The following CUX1 variants were observed in gnomAD, a reference collection of about 807,000 sequenced individuals.
CUX1 encodes the protein protein CASP.
A neutral mutation model predicts 158.8 loss-of-function variants in CUX1; 31 were observed. The ratio of observed to expected loss-of-function variants is 0.20; its 90% CI spans 0.15 to 0.26. CUX1 has a LOEUF of 0.26. Among genes scored for constraint, CUX1 ranks in the 10% least tolerant of loss-of-function variants. The pLI, the probability that CUX1 is intolerant of heterozygous loss-of-function variation, is 1.00. For missense variants in CUX1, 1,589 were observed against 2,014.6 expected (o/e 0.79, Z 4.04); for synonymous variants, 879 against 862.1 (o/e 1.02, Z -0.34).
intron 14 of CUX1, among the ~76,000 whole-genome samples, chr7:102,264,004 CTT>C (rs60225596): frequency 0.25 from 25,573 of 100,872 alleles, 2,804 homozygotes; most frequent in East Asian, 0.57. Flanking sequence ...AAGTTAACTT[CTT>C]TTTTTTTTTT....
chr7:101,914,038 C>T (rs1803833284), intron 1 of CUX1, among the ~76,000 whole-genome samples: 1 of 151,800 alleles, frequency 6.6e-6, no homozygotes, highest in Non-Finnish European at 1.5e-5. Context: ...CGTTCCACCA[C>T]ATTGGTTTCG....
At position 102,257,198 on chromosome 7, in the gene CUX1, T is replaced by C. The variant is rs1789989913; in HGVS notation, c.*8156T>C. 1.0e-6 allele frequency: 1 copy of C among 985,418 alleles called. No homozygotes were observed. The highest frequency in any genetic ancestry group is 1.2e-6 in the Non-Finnish European group (1 of 829,930). 61.0% of individuals were successfully genotyped at this position (985,418 alleles called of 1,614,324 possible). ...CAAGGTAGGCTGGGAAGAGCATCTC[T>C]TTCCATATCATCACCTCCCCTTCTC... On this transcript the variant is annotated 3_prime_UTR_variant, in exon 24 of 24. Coordinates refer to ENST00000292535, the MANE Select transcript of CUX1 (RefSeq NM_181552.4).
intron 14 of CUX1, among the ~76,000 whole-genome samples, chr7:102,263,319 T>TTC: frequency 7.0e-6 from 1 of 143,174 alleles, no homozygotes; most frequent in Non-Finnish European, 1.5e-5. Flanking sequence ...CTAGCCTTTT[T>TTC]TTTTTTTTTT....
At chr7:102,135,382 C>A (rs1169987183) in intron 8 of CUX1, among the ~76,000 whole-genome samples, 1 of 152,028 alleles carries the variant, frequency 6.6e-6, no homozygotes, top group African/African-American at 2.4e-5. Flanking sequence ...TCCCTGTTGT[C>A]TTCACATCAA....
At chr7:102,176,558 CTTTTTTTTTTTTT>C (rs60973137) in intron 10 of CUX1, among the ~76,000 whole-genome samples, 11 of 86,730 alleles carry the variant, frequency 1.3e-4, no homozygotes, top group East Asian at 1.2e-3. Flanking sequence ...GCCAGGATTC[CTTTTTTTTTTTTT>C]TTTTTTTTTT....
At chr7:101,893,764 G>C (rs181115451) in intron 1 of CUX1, among the ~76,000 whole-genome samples, 1 of 152,188 alleles carries the variant, frequency 6.6e-6, no homozygotes, top group African/African-American at 2.4e-5. Context: ...ATGTAAATGA[G>C]AATGAGAAGT....
chr7:101,953,910 G>T (rs1033586080), intron 2 of CUX1, among the ~76,000 whole-genome samples: 1 of 151,894 alleles, frequency 6.6e-6, no homozygotes, highest in African/African-American at 2.4e-5. Flanking sequence ...TTCTCTTTAT[G>T]GGCAGCATGT....
chr7:102,087,667 A>G (rs1169892946), intron 4 of CUX1, among the ~76,000 whole-genome samples: 1 of 152,164 alleles, frequency 6.6e-6, no homozygotes, highest in Admixed American at 6.5e-5. Context: ...TAAGAATCTT[A>G]TAATACATTG....
intron 2 of CUX1, among the ~76,000 whole-genome samples, chr7:101,964,565 G>A (rs181519873): frequency 2.0e-5 from 3 of 152,102 alleles, no homozygotes; most frequent in South Asian, 2.1e-4. Flanking sequence ...CTTTTTTGCC[G>A]TCATTCTTTT....
chr7:102,154,355 A>C (rs1836014722), intron 8 of CUX1: 1 of 152,162 alleles, frequency 6.6e-6, no homozygotes, highest in Non-Finnish European at 1.5e-5. Flanking sequence ...CACACCTATA[A>C]TCCCAGCACT....
chr7:102,069,519 C>T (rs906937173), intron 3 of CUX1, among the ~76,000 whole-genome samples: 8 of 152,112 alleles, frequency 5.3e-5, no homozygotes, highest in Non-Finnish European at 7.3e-5. Flanking sequence ...GAGGCTGAGG[C>T]GGGCAGATCA....
rs535667534 is a variant in CUX1, at chr7:101,951,823, T to C, written c.141+35598T>C. On this transcript the variant is annotated intron_variant, in intron 2 of 23. Transcript: ENST00000292535. ...CATTTTTCTTATCACCCATTCTCAT[T>C]AGCCTACAGCAGGGATTGGCAAACT... Among the ~76,000 whole-genome samples the C allele has an allele frequency of 2.0e-5, 3 of 152,336 alleles. No individual in the cohort carries two copies. In the South Asian group the frequency reaches 6.2e-4, roughly 32 times the overall value.
At chr7:102,065,578 A>G (rs767816780) in intron 3 of CUX1, among the ~76,000 whole-genome samples, 1 of 152,160 alleles carries the variant, frequency 6.6e-6, no homozygotes, top group Non-Finnish European at 1.5e-5. Context: ...AAGAAACCTC[A>G]TGGTCCATTT....
intron 2 of CUX1, among the ~76,000 whole-genome samples, chr7:101,972,629 G>A (rs373633846): frequency 5.9e-5 from 9 of 152,284 alleles, no homozygotes; most frequent in South Asian, 4.1e-4. Context: ...GTATTCACGC[G>A]CCCTCACCAC....
At chr7:101,993,979 T>C (rs1458994592) in intron 2 of CUX1, among the ~76,000 whole-genome samples, 1 of 152,190 alleles carries the variant, frequency 6.6e-6, no homozygotes, top group Non-Finnish European at 1.5e-5. Context: ...CTGCCATTCA[T>C]GCTGCAGACG....
At chr7:102,041,142 AC>A (rs757490041) in intron 3 of CUX1, among the ~76,000 whole-genome samples, 18 of 151,670 alleles carry the variant, frequency 1.2e-4, no homozygotes, top group Non-Finnish European at 1.2e-4. Flanking sequence ...CAAAAAAAAA[AC>A]AAAAATAAAA....
chr7:101,824,424 T>G (rs956107097), intron 1 of CUX1: 14 of 152,228 alleles, frequency 9.2e-5, no homozygotes, highest in African/African-American at 3.4e-4. Context: ...GAGTTGTTGT[T>G]TTGGGCCTGT....
At chr7:102,202,993 G>T (rs73187831) in intron 18 of CUX1, among the ~76,000 whole-genome samples, 1 of 152,120 alleles carries the variant, frequency 6.6e-6, no homozygotes, top group Admixed American at 6.6e-5. Flanking sequence ...TTGAGATGGC[G>T]TCTCACTCTG....
chr7:102,269,780 A>T (rs1419874662), intron 14 of CUX1, among the ~76,000 whole-genome samples: 1 of 151,934 alleles, frequency 6.6e-6, no homozygotes, highest in Non-Finnish European at 1.5e-5. Flanking sequence ...AGTCTCTAAG[A>T]AGTTCCAAAC....
Sources: allele counts gnomAD v4.1 joint callset (sites outside exome capture counted in the v4.1 genomes callset), GRCh38; gene constraint gnomAD v4.1.1; transcripts MANE v1.5; gene names NCBI Gene and HGNC (gene_info 2026-07-23, HGNC 2026-07-21).